The following SDHC variants were observed in gnomAD, a reference collection of about 807,000 sequenced individuals.
The protein encoded by SDHC is succinate dehydrogenase cytochrome b560 subunit, mitochondrial.
Under a neutral mutation model 22.6 loss-of-function variants are expected in SDHC, and 11 were observed. The observed-to-expected ratio is 0.49, with a 90% confidence interval of 0.31 to 0.81. The LOEUF (loss-of-function observed/expected upper bound fraction) is 0.81, where lower values mean the gene tolerates loss of function less well. Ranked by LOEUF, SDHC falls within the 30% of genes least tolerant of loss-of-function variation. The probability of loss-of-function intolerance (pLI) is 0.05; values close to 1 mark genes in which losing one functional copy is unlikely to be tolerated. For missense variants in SDHC, 160 were observed against 212.0 expected (o/e 0.75, Z 1.52); for synonymous variants, 80 against 77.8 (o/e 1.03, Z -0.15).
intron 3 of SDHC, among the ~76,000 whole-genome samples, chr1:161,338,083 T>G (rs1343531768): frequency 6.6e-6 from 1 of 152,202 alleles, no homozygotes; most frequent in East Asian, 1.9e-4. Context: ...TCCTTCTGGG[T>G]TTCGGTCTCC....
intron 3 of SDHC, among the ~76,000 whole-genome samples, chr1:161,333,819 C>T (rs1671373764): frequency 2.6e-5 from 4 of 152,178 alleles, no homozygotes; most frequent in Admixed American, 2.6e-4. Context: ...AGCACAACAT[C>T]CATATTTCTA....
intron 4 of SDHC, among the ~76,000 whole-genome samples, chr1:161,350,608 G>T (rs1459608009): frequency 1.3e-5 from 2 of 152,164 alleles, no homozygotes; most frequent in South Asian, 4.1e-4. Flanking sequence ...ATCAAAGATA[G>T]CCCAAATGTG....
rs1060501391 is a variant in SDHC, at chr1:161,340,634, A to G, written c.220A>G (p.Thr74Ala). The change falls in exon 4 of 6, where the codon ACT becomes GCT. Residue 74 changes from threonine (T) to alanine (A), a missense_variant. Around this residue, in one of 2 missense-constraint regions of SDHC, gnomAD observed 74 missense variants for 128.6 expected, o/e 0.58. Transcript: ENST00000367975. Reference sequence around the variant, plus strand: ...GGCGATGTCCATCTGCCACCGTGGCACTGGTATTGCTTTGAGTGCAGGTAT... The same window carrying G: ...GGCGATGTCCATCTGCCACCGTGGCGCTGGTATTGCTTTGAGTGCAGGTAT... Reference protein sequence around the residue: ...PMAMSICHRGTGIALSAGVSL... With the variant: ...PMAMSICHRGAGIALSAGVSL... 4.3e-6 allele frequency: 7 copies of G among 1,613,918 alleles called. No individual in the cohort carries two copies. Among genetic ancestry groups the G allele is most frequent in the Non-Finnish European group, 5.1e-6 (6 of 1,179,864 alleles).
chr1:161,336,825 C>A (rs1053077257), intron 3 of SDHC, among the ~76,000 whole-genome samples: 11 of 152,034 alleles, frequency 7.2e-5, no homozygotes, highest in African/African-American at 2.4e-4. Context: ...CATTGGCAGT[C>A]TGGGCTGTTG....
chr1:161,325,094 G>T (rs555282347), intron 2 of SDHC, among the ~76,000 whole-genome samples: 69 of 152,100 alleles, frequency 4.5e-4, no homozygotes, highest in Non-Finnish European at 5.0e-4. Context: ...TATAGTCCCA[G>T]CTATGGGGAG....
chr1:161,331,884 C>T (rs569313878), intron 3 of SDHC, among the ~76,000 whole-genome samples: 154 of 152,298 alleles, frequency 1.0e-3, no homozygotes, highest in African/African-American at 3.5e-3. Flanking sequence ...CATGAGCCAC[C>T]GCGCCTGGCA....
chr1:161,343,976 C>G (rs1414379164), intron 4 of SDHC, among the ~76,000 whole-genome samples: 1 of 152,038 alleles, frequency 6.6e-6, no homozygotes, highest in Admixed American at 6.6e-5. Context: ...CTTTGGGAGG[C>G]CGAGGCAGGA....
At chr1:161,353,665 T>C (rs968904598) in intron 4 of SDHC, among the ~76,000 whole-genome samples, 4 of 152,140 alleles carry the variant, frequency 2.6e-5, no homozygotes, top group Admixed American at 2.0e-4. Flanking sequence ...TTCTTAGCCA[T>C]TGAGTAGACA....
chr1:161,320,073 G>C (rs983571622), intron 1 of SDHC, among the ~76,000 whole-genome samples: 1 of 152,162 alleles, frequency 6.6e-6, no homozygotes, highest in Non-Finnish European at 1.5e-5. Flanking sequence ...TGGTGTTATT[G>C]AATGATATGT....
intron 1 of SDHC, among the ~76,000 whole-genome samples, chr1:161,318,183 A>G (rs1363847584): frequency 6.6e-6 from 1 of 151,976 alleles, no homozygotes; most frequent in Non-Finnish European, 1.5e-5. Context: ...AAAAAAAAAA[A>G]ATTGTACTGT....
At chr1:161,333,420 T>TG (rs1358677077) in intron 3 of SDHC, among the ~76,000 whole-genome samples, 1 of 151,526 alleles carries the variant, frequency 6.6e-6, no homozygotes, top group Non-Finnish European at 1.5e-5. Flanking sequence ...TTTTTTTTTT[T>TG]TTAAAGACGG....
At chr1:161,316,418 G>T (rs945100520) in intron 1 of SDHC, among the ~76,000 whole-genome samples, 2 of 152,230 alleles carry the variant, frequency 1.3e-5, no homozygotes, top group Non-Finnish European at 2.9e-5. Context: ...TGAGCATGCT[G>T]CCTTCAAGCA....
rs1168373265 is a variant in SDHC, at chr1:161,356,849, AT to A, written c.405+11del. 2 of 1,613,454 alleles carry A rather than the reference AT, an allele frequency of 1.2e-6. No homozygotes were observed. The highest frequency in any genetic ancestry group is 3.3e-5 in the Admixed American group (2 of 60,000). ...ATGGGATCCGACACTTGGTAAGTTA[AT>A]TCGGGATTTGCACATTTTCTCTGTG... On this transcript the variant is annotated intron_variant, in intron 5 of 5. Transcript: ENST00000367975.
At chr1:161,330,871 G>A (rs1208897703) in intron 3 of SDHC, among the ~76,000 whole-genome samples, 1 of 151,840 alleles carries the variant, frequency 6.6e-6, no homozygotes, top group Admixed American at 6.6e-5. Flanking sequence ...GTGGTGGTGC[G>A]CCTGTAGTCC....
chr1:161,351,793 C>G (rs767375316), intron 4 of SDHC, among the ~76,000 whole-genome samples: 2 of 152,218 alleles, frequency 1.3e-5, no homozygotes, highest in Non-Finnish European at 1.5e-5. Context: ...AATAAAAGAA[C>G]AGTTATGTGC....
At chr1:161,323,030 G>A (rs540142908) in intron 1 of SDHC, among the ~76,000 whole-genome samples, 26 of 151,200 alleles carry the variant, frequency 1.7e-4, no homozygotes, top group African/African-American at 5.8e-4. Flanking sequence ...ACAGAGTCTC[G>A]CTCTGTCACC....
At chr1:161,356,108 A>G (rs1362696601) in intron 4 of SDHC, among the ~76,000 whole-genome samples, 1 of 152,150 alleles carries the variant, frequency 6.6e-6, no homozygotes, top group East Asian at 1.9e-4. Flanking sequence ...CTTGATGTCT[A>G]AACTGGCAAG....
At position 161,362,604 on chromosome 1, in the gene SDHC, A is replaced by C; in HGVS notation, c.*171A>C. 3.1e-6 allele frequency: 5 copies of C among 1,606,558 alleles called. No individual in the cohort carries two copies. The highest frequency in any genetic ancestry group is 3.4e-6 in the Non-Finnish European group (4 of 1,176,586). On this transcript the variant is annotated 3_prime_UTR_variant, in exon 6 of 6. Coordinates refer to ENST00000367975, the MANE Select transcript of SDHC (RefSeq NM_003001.5). ...TACCTGGTAGACCATAATAGTGGAA[A>C]AGGGTCTAGTTTTCCCCTTGTTTCT...
chr1:161,318,427 A>T (rs904354366), intron 1 of SDHC, among the ~76,000 whole-genome samples: 1 of 152,216 alleles, frequency 6.6e-6, no homozygotes, highest in African/African-American at 2.4e-5. Flanking sequence ...CCAGCTAAGT[A>T]ACACAAACCA....
Sources: allele counts gnomAD v4.1 joint callset (sites outside exome capture counted in the v4.1 genomes callset), GRCh38; gene constraint gnomAD v4.1.1; regional missense constraint gnomAD v4.1.1; transcripts MANE v1.5; gene names NCBI Gene and HGNC (gene_info 2026-07-23, HGNC 2026-07-21).